The following TRIQK variants were observed in gnomAD, a reference collection of about 807,000 sequenced individuals.
TRIQK encodes the protein triple QxxK/R motif-containing protein.
A neutral mutation model predicts 10.8 loss-of-function variants in TRIQK; 10 were observed. The observed-to-expected ratio is 0.92, with a 90% CI of 0.57 to 1.57. TRIQK has a LOEUF of 1.57. Among genes scored for constraint, TRIQK ranks in the 40% most tolerant of loss-of-function variants. The pLI is 0.00. For synonymous variants in TRIQK, 33 were observed against 33.7 expected, an observed-to-expected ratio of 0.98 and a Z score of 0.07; for missense variants, 107 against 97.7, an observed-to-expected ratio of 1.09 and a Z score of -0.40.
chr8:92,926,799 T>G (rs1052373819), intron 2 of TRIQK, among the ~76,000 whole-genome samples: 3 of 152,146 alleles, frequency 2.0e-5, no homozygotes, highest in African/African-American at 7.2e-5. Context: ...CAAGATTATC[T>G]CCTTATGAGA....
chr8:92,990,871 C>T (rs1813088783), intron 1 of TRIQK, among the ~76,000 whole-genome samples: 1 of 152,022 alleles, frequency 6.6e-6, no homozygotes, highest in African/African-American at 2.4e-5. Context: ...TTTTTCATAC[C>T]CCAGTGGCAC....
At chr8:93,011,203 CACAT>C (rs1046691111) in intron 1 of TRIQK, among the ~76,000 whole-genome samples, 3 of 92,302 alleles carry the variant, frequency 3.3e-5, no homozygotes, top group African/African-American at 1.1e-4. Flanking sequence ...CACACACACA[CACAT>C]ATATATATAT....
At chr8:92,910,480 GA>G (rs1308733318) in intron 3 of TRIQK, among the ~76,000 whole-genome samples, 2 of 150,546 alleles carry the variant, frequency 1.3e-5, no homozygotes, top group African/African-American at 4.9e-5. Flanking sequence ...CACTACAAAT[GA>G]AAAATATAAA....
intron 1 of TRIQK, chr8:92,972,594 A>G (rs1812886604): frequency 6.6e-6 from 1 of 152,356 alleles, no homozygotes. Context: ...CTTTGGCATT[A>G]TGCCATTTGG....
chr8:92,923,727 T>C (rs1236834992), intron 2 of TRIQK, among the ~76,000 whole-genome samples: 2 of 151,934 alleles, frequency 1.3e-5, no homozygotes, highest in Non-Finnish European at 2.9e-5. Flanking sequence ...AGATTAAACA[T>C]AGCATTCTTG....
chr8:92,958,510 T>C (rs1380758601), intron 1 of TRIQK, among the ~76,000 whole-genome samples: 1 of 152,016 alleles, frequency 6.6e-6, no homozygotes, highest in Non-Finnish European at 1.5e-5. Flanking sequence ...TACCTGATTT[T>C]CATCTTTGGA....
intron 1 of TRIQK, among the ~76,000 whole-genome samples, chr8:92,990,565 T>C (rs552978359): frequency 5.3e-5 from 8 of 152,176 alleles, no homozygotes; most frequent in African/African-American, 9.6e-5. Flanking sequence ...GCTCATCTCA[T>C]TGGAACTGGT....
chr8:92,930,855 A>G (rs978456835), intron 2 of TRIQK, among the ~76,000 whole-genome samples: 5 of 152,210 alleles, frequency 3.3e-5, no homozygotes, highest in Non-Finnish European at 7.3e-5. Context: ...AGGAATAAAA[A>G]AACTTTATTT....
At chr8:92,921,136 T>G (rs1586427723) in intron 2 of TRIQK, among the ~76,000 whole-genome samples, 1 of 151,662 alleles carries the variant, frequency 6.6e-6, no homozygotes, top group South Asian at 2.1e-4. Context: ...ATCCACTGCT[T>G]AATCATTATT....
At chr8:93,000,786 G>A (rs888760938) in intron 1 of TRIQK, among the ~76,000 whole-genome samples, 5 of 150,784 alleles carry the variant, frequency 3.3e-5, no homozygotes, top group African/African-American at 9.8e-5. Context: ...TGTTTGCCTC[G>A]TGGTAACCAC....
At chr8:92,906,455 A>C (rs2130381959) in intron 3 of TRIQK, among the ~76,000 whole-genome samples, 1 of 152,238 alleles carries the variant, frequency 6.6e-6, no homozygotes, top group Admixed American at 6.5e-5. Context: ...TTTTAAAGGC[A>C]AAGACCCTCA....
At chr8:92,966,890 A>G (rs1002857384), upstream of TRIQK, among the ~76,000 whole-genome samples, 1 of 137,100 alleles carries the variant, frequency 7.3e-6, no homozygotes, top group Non-Finnish European at 1.5e-5. Flanking sequence ...CTCCAATTTA[A>G]TTTTTCTCTT....
chr8:92,937,206 G>A (rs1373733636), intron 2 of TRIQK, among the ~76,000 whole-genome samples: 1 of 151,634 alleles, frequency 6.6e-6, no homozygotes, highest in Non-Finnish European at 1.5e-5. Flanking sequence ...TAAAATGTGT[G>A]AACAAAGACA....
intron 2 of TRIQK, among the ~76,000 whole-genome samples, chr8:92,932,274 T>C (rs1174465266): frequency 6.6e-6 from 1 of 152,144 alleles, no homozygotes; most frequent in African/African-American, 2.4e-5. Flanking sequence ...CCTATATAAC[T>C]ACCCCTAACT....
At chr8:92,923,711 C>A (rs543357800) in intron 2 of TRIQK, among the ~76,000 whole-genome samples, 1 of 151,826 alleles carries the variant, frequency 6.6e-6, no homozygotes, top group African/African-American at 2.4e-5. Flanking sequence ...CTCATTAGGA[C>A]TTTTAAGATT....
At chr8:92,916,887 T>G in intron 3 of TRIQK, 42 bp downstream of exon 3, 1 of 1,304,978 alleles carries the variant, frequency 7.7e-7, no homozygotes, top group Non-Finnish European at 1.0e-6. Flanking sequence ...TGTGTTTTTA[T>G]CTCAATTAAT....
chr8:93,014,458 G>A (rs956093158), intron 1 of TRIQK, among the ~76,000 whole-genome samples: 10 of 152,072 alleles, frequency 6.6e-5, no homozygotes, highest in Non-Finnish European at 1.3e-4. Flanking sequence ...CATTTTTGAA[G>A]AACAAAACTG....
chr8:92,964,286 T>C (rs1185700304), intron 1 of TRIQK, among the ~76,000 whole-genome samples: 1 of 152,006 alleles, frequency 6.6e-6, no homozygotes, highest in Non-Finnish European at 1.5e-5. Context: ...ATAATTTCCT[T>C]ATCCCTAAAG....
chr8:92,947,803 G>T (rs1811633978), intron 2 of TRIQK, among the ~76,000 whole-genome samples: 1 of 152,200 alleles, frequency 6.6e-6, no homozygotes, highest in South Asian at 2.1e-4. Context: ...GAGCAGTCCA[G>T]AGGGTTATAC....
Sources: gnomAD v4.1 joint callset for allele counts (sites outside exome capture counted in the v4.1 genomes callset) on GRCh38, gnomAD v4.1.1 for gene constraint, MANE v1.5 for transcripts, NCBI Gene and HGNC (gene_info 2026-07-23, HGNC 2026-07-21) for gene names.